CLEC16A: variants seen among roughly 807,000 people sequenced by gnomAD.
CLEC16A encodes the protein C-type lectin domain containing 16A, also known as protein CLEC16A.
In CLEC16A, 51 loss-of-function variants were observed where a neutral mutation model predicts 109.5. That is an observed-to-expected ratio of 0.47 (90% CI 0.37 to 0.59). The LOEUF (loss-of-function observed/expected upper bound fraction) is 0.59, where lower values mean the gene tolerates loss of function less well. Ranked by LOEUF, CLEC16A falls within the 20% of genes least tolerant of loss-of-function variation. CLEC16A has a pLI of 0.00. For synonymous variants in CLEC16A, 673 were observed against 564.2 expected (o/e 1.19, Z -2.73); for missense variants, 1,339 against 1,394.0 (o/e 0.96, Z 0.63).
At chr16:11,045,310 T>C (rs2047577993) in intron 16 of CLEC16A, among the ~76,000 whole-genome samples, 1 of 152,084 alleles carries the variant, frequency 6.6e-6, no homozygotes. Flanking sequence ...ATCGCGCCAC[T>C]GCACTCCAGC....
Position 11,050,713 on chromosome 16 carries a change from A to G in CLEC16A, c.1867-800A>G, listed in dbSNP as rs995728725. 2.6e-5 allele frequency among the ~76,000 whole-genome samples: 4 copies of G among 152,344 alleles called. No individual in the cohort carries two copies. In the South Asian group the frequency reaches 8.3e-4, roughly 32 times the overall value. ...CAGCTCTGGCCCAGTGGCCGTGGGC[A>G]TGCGCCTTTCCTCCTCTGAGCTCAG... is the stretch of plus-strand genomic sequence containing the variant. On this transcript the variant is annotated intron_variant, in intron 17 of 23. Coordinates refer to ENST00000409790, the MANE Select transcript of CLEC16A (RefSeq NM_015226.3).
intron 18 of CLEC16A, among the ~76,000 whole-genome samples, chr16:11,055,364 G>C (rs1387509584): frequency 6.6e-6 from 1 of 152,080 alleles, no homozygotes; most frequent in Non-Finnish European, 1.5e-5. Context: ...CCTGGAGCAT[G>C]AGGAGGAGCC....
chr16:10,946,158 C>T (rs144236313), intron 1 of CLEC16A, among the ~76,000 whole-genome samples: 31 of 152,142 alleles, frequency 2.0e-4, no homozygotes, highest in East Asian at 7.7e-4. Context: ...AAGAAATAGG[C>T]AGGTTTCCAG....
Position 11,126,098 on chromosome 16 carries a change from G to C in CLEC16A, c.2593G>C (p.Asp865His), listed in dbSNP as rs771791173. ...FYDQGRRGSS[D>H]PTVQRSVFAS... is the part of the protein sequence containing the mutation. ...CGACCAGGGGCGCCGGGGCAGCAGC[G>C]ACCCCACAGTGCAGCGCTCCGTGTT... is the stretch of plus-strand genomic sequence containing the variant. Residue 865 changes from aspartate to histidine, a missense_variant, in exon 22 of 24, where the codon GAC (aspartate) becomes CAC (histidine). Asp to His is a moderately conservative substitution (Grantham distance 81). Around this residue, in one of 3 missense-constraint regions of CLEC16A, gnomAD observed 1,061 missense variants for 1,006.8 expected, o/e 1.05. Transcript: ENST00000409790. 1 of 1,613,800 alleles carries C rather than the reference G, an allele frequency of 6.2e-7. No individual in the cohort carries two copies. The highest frequency in any genetic ancestry group is 1.1e-5 in the South Asian group (1 of 91,066).
intron 22 of CLEC16A, among the ~76,000 whole-genome samples, chr16:11,134,350 T>C (rs113544769): frequency 1.1e-3 from 167 of 152,262 alleles, no homozygotes; most frequent in African/African-American, 3.6e-3. Flanking sequence ...GAATTAACCA[T>C]GTTGGGCACT....
intron 10 of CLEC16A, among the ~76,000 whole-genome samples, chr16:10,997,446 C>A (rs1567174593): frequency 6.6e-6 from 1 of 152,188 alleles, no homozygotes; most frequent in Non-Finnish European, 1.5e-5. Context: ...CATACCTCCA[C>A]CCCACCCAAG....
At chr16:11,064,808 C>T (rs780278528) in intron 19 of CLEC16A, among the ~76,000 whole-genome samples, 1 of 152,134 alleles carries the variant, frequency 6.6e-6, no homozygotes, top group African/African-American at 2.4e-5. Context: ...AAACAGGGTT[C>T]TAAAAGACTT....
chr16:10,984,793 G>T (rs1250685189), intron 10 of CLEC16A, among the ~76,000 whole-genome samples: 1 of 152,232 alleles, frequency 6.6e-6, no homozygotes, highest in Non-Finnish European at 1.5e-5. Flanking sequence ...AGGGCCTCCA[G>T]TTAGAGGTGC....
At chr16:11,099,638 C>A (rs188835587) in intron 19 of CLEC16A, among the ~76,000 whole-genome samples, 1 of 152,140 alleles carries the variant, frequency 6.6e-6, no homozygotes, top group Non-Finnish European at 1.5e-5. Context: ...ATCCCAGCTC[C>A]GTCACTTTCT....
At chr16:11,063,375 A>G (rs1464837082) in intron 19 of CLEC16A, among the ~76,000 whole-genome samples, 1 of 145,066 alleles carries the variant, frequency 6.9e-6, no homozygotes, top group Admixed American at 7.2e-5. Flanking sequence ...GTGCAATCTG[A>G]CCAAACGCCT....
intron 19 of CLEC16A, among the ~76,000 whole-genome samples, chr16:11,099,551 C>G (rs941469133): frequency 7.9e-5 from 12 of 152,198 alleles, no homozygotes; most frequent in African/African-American, 2.9e-4. Flanking sequence ...GCAGAAAGTC[C>G]TTTTGGGCAG....
chr16:11,000,979 G>T (rs2044635837), intron 10 of CLEC16A, among the ~76,000 whole-genome samples: 1 of 152,114 alleles, frequency 6.6e-6, no homozygotes, highest in African/African-American at 2.4e-5. Flanking sequence ...AATGATATCT[G>T]AACATTATTT....
intron 10 of CLEC16A, among the ~76,000 whole-genome samples, chr16:10,994,577 G>A (rs2044222450): frequency 6.6e-6 from 1 of 152,152 alleles, no homozygotes; most frequent in Admixed American, 6.5e-5. Flanking sequence ...AGATGTGTGT[G>A]TCTGTGGTCC....
At chr16:11,033,167 C>T (rs1451517993) in intron 13 of CLEC16A, among the ~76,000 whole-genome samples, 1 of 151,866 alleles carries the variant, frequency 6.6e-6, no homozygotes, top group Admixed American at 6.6e-5. Context: ...ATGTAGGGGT[C>T]GAGTGAAAGG....
chr16:11,031,809 G>A (rs1043950611), intron 13 of CLEC16A, among the ~76,000 whole-genome samples: 1 of 152,216 alleles, frequency 6.6e-6, no homozygotes, highest in African/African-American at 2.4e-5. Context: ...TGAGGGTAGA[G>A]GGTACTACAT....
intron 19 of CLEC16A, among the ~76,000 whole-genome samples, chr16:11,091,342 C>A (rs912791358): frequency 6.6e-6 from 1 of 152,228 alleles, no homozygotes; most frequent in Non-Finnish European, 1.5e-5. Context: ...GATGAAGAAG[C>A]CTTACTTTGT....
At chr16:10,955,960 G>T (rs2041964687) in intron 1 of CLEC16A, among the ~76,000 whole-genome samples, 1 of 152,214 alleles carries the variant, frequency 6.6e-6, no homozygotes, top group African/African-American at 2.4e-5. Flanking sequence ...GGATGCCTGG[G>T]AACTGCAGTT....
intron 20 of CLEC16A, among the ~76,000 whole-genome samples, chr16:11,123,094 G>T (rs1347160438): frequency 6.6e-6 from 1 of 151,824 alleles, no homozygotes; most frequent in African/African-American, 2.4e-5. Flanking sequence ...AGTACAGACT[G>T]GGTTTCACCC....
rs542014669 is a variant in CLEC16A at position 11,066,974 on chromosome 16, G to A, written c.2116+5952G>A. 2.7e-3 allele frequency among the ~76,000 whole-genome samples: 411 copies of A among 152,164 alleles called. 1 individual carries two copies. The highest frequency in any genetic ancestry group is 4.8e-3 in the Non-Finnish European group (329 of 68,004). ...GATCGCCAACTTTTGTTTGTTTACC[G>A]AGTAGTCATTTTTAAAAAAAGCATT... On this transcript the variant is annotated intron_variant, in intron 19 of 23. Coordinates refer to ENST00000409790, the MANE Select transcript of CLEC16A (RefSeq NM_015226.3).
Sources: gnomAD v4.1 joint callset for allele counts (sites outside exome capture counted in the v4.1 genomes callset) on GRCh38, gnomAD v4.1.1 for gene constraint, gnomAD v4.1.1 regional missense constraint, MANE v1.5 for transcripts, NCBI Gene and HGNC (gene_info 2026-07-23, HGNC 2026-07-21) for gene names.